The following MYCBPAP variants were observed in gnomAD, a reference collection of about 807,000 sequenced individuals.
MYCBPAP encodes the protein MYCBP associated protein, also known as MYCBP-associated protein.
Under a neutral mutation model 106.1 loss-of-function variants are expected in MYCBPAP, and 60 were observed. The observed-to-expected ratio is 0.57, with a 90% CI of 0.46 to 0.70. The LOEUF is 0.70. Ranked by LOEUF, MYCBPAP falls within the 30% of genes least tolerant of loss-of-function variation. The pLI is 0.00. For synonymous variants in MYCBPAP, 407 were observed against 440.6 expected (o/e 0.92, Z 0.95); for missense variants, 1,064 against 1,169.3 (o/e 0.91, Z 1.31).
intron 7 of MYCBPAP, among the ~76,000 whole-genome samples, chr17:50,520,640 G>T (rs1218764795): frequency 6.6e-6 from 1 of 152,128 alleles, no homozygotes; most frequent in Non-Finnish European, 1.5e-5. Context: ...TGTGCTTGTG[G>T]TTTGCATTCT....
At position 50,527,465 on chromosome 17, in the gene MYCBPAP, G is replaced by A; in HGVS notation, c.2291+57G>A. The A allele has an allele frequency of 3.1e-6, 5 of 1,602,524 alleles. No homozygotes were observed. In the South Asian group the frequency reaches 5.6e-5, roughly 18 times the overall value. ...TCCTTCCCTTTGTGGCATCTGCAGG[G>A]GTCCTGGGCAGGCAGTCCTGGGACT... On this transcript the variant is annotated intron_variant, in intron 15 of 18. Coordinates refer to ENST00000323776, the MANE Select transcript of MYCBPAP (RefSeq NM_032133.6).
chr17:50,516,432 C>T (rs2034053706), intron 1 of MYCBPAP, 138 bp from the exon 2 acceptor site: 2 of 1,083,646 alleles, frequency 1.8e-6, no homozygotes. Flanking sequence ...TTGGCAGCCT[C>T]TGCTATCTAT....
rs562003040 is a variant in MYCBPAP, at chr17:50,519,083, T to C, written c.762T>C (p.Asp254=). 1 of 1,602,760 alleles carries C rather than the reference T, an allele frequency of 6.2e-7. No homozygotes were observed. Among genetic ancestry groups the C allele is most frequent in the East Asian group, 2.3e-5 (1 of 42,936 alleles). Residue 254 remains aspartate, a synonymous_variant, in exon 6 of 19, where the codon GAT becomes GAC. Coordinates refer to ENST00000323776, the MANE Select transcript of MYCBPAP (RefSeq NM_032133.6). ...LIDCTLPTRR[D]RKSWENSGFW... is the part of the protein sequence containing the mutation. ...ACTGCACACTTCCAACCCGGCGTGA[T>C]AGGAAAGTGAGGCCACCTGTCCTAA... is the stretch of plus-strand genomic sequence containing the variant.
At chr17:50,513,888 A>G (rs566294281) in intron 1 of MYCBPAP, among the ~76,000 whole-genome samples, 4 of 152,290 alleles carry the variant, frequency 2.6e-5, no homozygotes, top group Admixed American at 2.6e-4. Context: ...ATCCCCACAC[A>G]TGGCGGCAGA....
chr17:50,524,740 G>GAGAGAC, intron 12 of MYCBPAP, 137 bp from the exon 13 acceptor site: 1 of 712,022 alleles, frequency 1.4e-6, no homozygotes, highest in South Asian at 1.8e-5. Context: ...GTGTGTGTGA[G>GAGAGAC]AGAGAGAGAG....
Position 50,522,061 on chromosome 17 carries a change from G to A in MYCBPAP, c.1237G>A (p.Gly413Ser). The change falls in exon 10 of 19, where the codon GGC (glycine) becomes AGC (serine). Residue 413 changes from glycine (G) to serine (S), a missense_variant. Physicochemically the swap from Gly to Ser is moderately conservative, Grantham distance 56 (BLOSUM62 0). Coordinates refer to ENST00000323776, the MANE Select transcript of MYCBPAP (RefSeq NM_032133.6). ...TGGGAAGCCAGCTTGCTGGATCAGA[G>A]GCAGTAATCCACAGGACAAGGTAAA... ...FCGKPACWIR[G>S]SNPQDKRQVG... 1 of 1,613,900 alleles carries A rather than the reference G, an allele frequency of 6.2e-7. No individual in the cohort carries two copies. Among genetic ancestry groups the A allele is most frequent in the Non-Finnish European group, 8.5e-7 (1 of 1,179,866 alleles).
intron 1 of MYCBPAP, chr17:50,510,535 A>ATG (rs2033808246): frequency 7.7e-6 from 1 of 130,686 alleles, no homozygotes; most frequent in Non-Finnish European, 1.6e-5. Context: ...ATATATATAT[A>ATG]TGTATTTTGA....
chr17:50,527,947 T>C (rs576069509), intron 15 of MYCBPAP, among the ~76,000 whole-genome samples: 50 of 152,236 alleles, frequency 3.3e-4, no homozygotes, highest in African/African-American at 1.2e-3. Flanking sequence ...CTGGGCCATT[T>C]TTTTCTTGGT....
chr17:50,528,281 G>T lies in MYCBPAP; in HGVS notation c.2407+11G>T, dbSNP rs779117410. On this transcript the variant is annotated intron_variant, in intron 16 of 18. Coordinates refer to ENST00000323776, the MANE Select transcript of MYCBPAP (RefSeq NM_032133.6). ...TGCCTGAAGAGCAAGGTCAGATCTT[G>T]TGCAACCAACCACACCTCTGCATAG... 6.2e-7 allele frequency: 1 copy of T among 1,603,788 alleles called. No homozygotes were observed. Among genetic ancestry groups the T allele is most frequent in the Non-Finnish European group, 8.5e-7 (1 of 1,172,236 alleles).
chr17:50,521,445 G>C lies in MYCBPAP; in HGVS notation c.1148+14G>C. On this transcript the variant is annotated intron_variant, in intron 9 of 18. Transcript: ENST00000323776. ...CACAGCATACTTGTGAGTGCAGCCTGAACCCTGGGGAGAGAGGCTGAAGAG... is the reference window on the plus strand; with the variant it reads ...CACAGCATACTTGTGAGTGCAGCCTCAACCCTGGGGAGAGAGGCTGAAGAG... 1.3e-6 allele frequency: 2 copies of C among 1,539,510 alleles called. No homozygotes were observed. The highest frequency in any genetic ancestry group is 1.8e-5 in the Admixed American group (1 of 54,562).
chr17:50,522,775 C>T (rs527740347), intron 10 of MYCBPAP, 164 bp from the exon 11 acceptor site: 230 of 446,546 alleles, frequency 5.2e-4, no homozygotes, highest in Non-Finnish European at 3.1e-4. Flanking sequence ...GAGACAACCA[C>T]GCTGGAGTAG....
chr17:50,510,402 C>T (rs1302226634), intron 1 of MYCBPAP: 1 of 147,008 alleles, frequency 6.8e-6, no homozygotes, highest in African/African-American at 2.5e-5. Flanking sequence ...AAATAAAAGT[C>T]CAATGCTGTT....
chr17:50,525,691 A>G (rs577809190), intron 13 of MYCBPAP, among the ~76,000 whole-genome samples, 190 bp from the exon 14 acceptor site: 1 of 140,886 alleles, frequency 7.1e-6, no homozygotes, highest in African/African-American at 2.7e-5. Context: ...GGATCACTCT[A>G]TGTCATACAG....
intron 1 of MYCBPAP, chr17:50,514,898 C>T (rs2033987386): frequency 2.2e-6 from 1 of 454,110 alleles, no homozygotes; most frequent in African/African-American, 2.0e-5. Flanking sequence ...GCCTTGGCCT[C>T]CCAAGATCTT....
chr17:50,512,891 T>C (rs969775309), intron 1 of MYCBPAP, among the ~76,000 whole-genome samples: 4 of 152,004 alleles, frequency 2.6e-5, no homozygotes, highest in Admixed American at 2.0e-4. Flanking sequence ...CTGGCCAACA[T>C]GGTGAAACCC....
intron 1 of MYCBPAP, 21 bp downstream of exon 1, chr17:50,508,771 G>A: frequency 6.3e-7 from 1 of 1,597,520 alleles, no homozygotes; most frequent in Non-Finnish European, 8.5e-7. Context: ...GCTGCCTTGG[G>A]CGCTCGGGAG....
chr17:50,519,821 T>C (rs965126680), intron 7 of MYCBPAP, 34 bp downstream of exon 7: 2 of 1,603,406 alleles, frequency 1.2e-6, no homozygotes, highest in Non-Finnish European at 1.7e-6. Flanking sequence ...GCTAGCATCT[T>C]GTGCCTGGCC....
At chr17:50,518,091 T>C (rs1459079788) in intron 4 of MYCBPAP, among the ~76,000 whole-genome samples, 4 of 152,238 alleles carry the variant, frequency 2.6e-5, no homozygotes, top group African/African-American at 9.6e-5. Flanking sequence ...GGAAGGTGGC[T>C]TCCCACTGCT....
chr17:50,516,798 C>CT (rs2034069519), intron 2 of MYCBPAP, 101 bp downstream of exon 2: 21 of 1,341,656 alleles, frequency 1.6e-5, no homozygotes, highest in Non-Finnish European at 2.2e-5. Flanking sequence ...TGGGGAGTGT[C>CT]TAACTCCATG....
Sources: allele counts gnomAD v4.1 joint callset (sites outside exome capture counted in the v4.1 genomes callset), GRCh38; gene constraint gnomAD v4.1.1; transcripts MANE v1.5; gene names NCBI Gene and HGNC (gene_info 2026-07-23, HGNC 2026-07-21).